The following KIZ variants were observed in gnomAD, a reference collection of about 807,000 sequenced individuals.
The protein encoded by KIZ is kizuna centrosomal protein, also known as centrosomal protein kizuna.
KIZ carries 68 observed loss-of-function variants against 79.6 expected under a neutral mutation model. That is an observed-to-expected ratio of 0.85 (90% confidence interval 0.70 to 1.05). The LOEUF is 1.05. KIZ is among the 50% of genes least tolerant of loss of function. The pLI is 0.00. For synonymous variants in KIZ, 280 were observed against 281.8 expected (o/e 0.99, Z 0.06); for missense variants, 797 against 800.4 (o/e 1.00, Z 0.05).
intron 9 of KIZ, among the ~76,000 whole-genome samples, chr20:21,223,856 A>G (rs2036578565): frequency 6.6e-6 from 1 of 151,258 alleles, no homozygotes; most frequent in African/African-American, 2.4e-5. Flanking sequence ...TTTTGTATTT[A>G]TAGTAGAGAC....
intron 11 of KIZ, among the ~76,000 whole-genome samples, chr20:21,240,412 A>G (rs2037174930): frequency 6.6e-6 from 1 of 152,216 alleles, no homozygotes; most frequent in East Asian, 1.9e-4. Flanking sequence ...CACCACACCC[A>G]GCCGATTGTC....
intron 6 of KIZ, among the ~76,000 whole-genome samples, chr20:21,178,336 C>T (rs1781554549): frequency 6.6e-6 from 1 of 152,012 alleles, no homozygotes; most frequent in South Asian, 2.1e-4. Flanking sequence ...CTTATTGGTG[C>T]TATTGTAAAT....
intron 11 of KIZ, among the ~76,000 whole-genome samples, chr20:21,241,655 A>G (rs182365536): frequency 6.6e-6 from 1 of 152,362 alleles, no homozygotes; most frequent in Admixed American, 6.5e-5. Context: ...AAGTGGCCTC[A>G]TAGAGACATG....
At chr20:21,221,212 C>A (rs1184223505) in intron 9 of KIZ, among the ~76,000 whole-genome samples, 1 of 152,136 alleles carries the variant, frequency 6.6e-6, no homozygotes, top group Non-Finnish European at 1.5e-5. Context: ...TGTATTCACA[C>A]TAAATTTACC....
At chr20:21,127,769 CG>C (rs972178468) in intron 1 of KIZ, among the ~76,000 whole-genome samples, 1 of 152,172 alleles carries the variant, frequency 6.6e-6, no homozygotes, top group Non-Finnish European at 1.5e-5. Flanking sequence ...TTCTAGTCCA[CG>C]AACAATTGTG....
chr20:21,169,761 C>T (rs1331345745), intron 6 of KIZ, among the ~76,000 whole-genome samples: 4 of 152,190 alleles, frequency 2.6e-5, no homozygotes, highest in Non-Finnish European at 5.9e-5. Flanking sequence ...GAACCCCTTG[C>T]AAGTACTGAT....
At chr20:21,177,660 A>C (rs1016495430) in intron 6 of KIZ, among the ~76,000 whole-genome samples, 2 of 152,068 alleles carry the variant, frequency 1.3e-5, no homozygotes, top group Admixed American at 1.3e-4. Context: ...TGCCAAGGCC[A>C]ATGTTATGAA....
At chr20:21,195,444 G>A (rs1157958040) in intron 6 of KIZ, 1 of 152,302 alleles carries the variant, frequency 6.6e-6, no homozygotes, top group African/African-American at 2.4e-5. Context: ...TTACCATGGA[G>A]GGAACCTGCT....
chr20:21,200,243 C>A (rs1306507238), intron 6 of KIZ, among the ~76,000 whole-genome samples: 1 of 152,044 alleles, frequency 6.6e-6, no homozygotes, highest in Non-Finnish European at 1.5e-5. Flanking sequence ...AAATGAGACA[C>A]CTGCCCCCAT....
chr20:21,202,481 C>T (rs2035637611), intron 6 of KIZ: 1 of 152,166 alleles, frequency 6.6e-6, no homozygotes, highest in Non-Finnish European at 1.5e-5. Flanking sequence ...GCTGAAAGGT[C>T]TTTCTATCAA....
chr20:21,239,815 G>A (rs1282728088), intron 11 of KIZ, among the ~76,000 whole-genome samples: 1 of 152,168 alleles, frequency 6.6e-6, no homozygotes, highest in Non-Finnish European at 1.5e-5. Flanking sequence ...AGTCCTGGCT[G>A]GCCCTAACTT....
intron 10 of KIZ, among the ~76,000 whole-genome samples, chr20:21,230,029 C>T (rs1050610797): frequency 1.3e-5 from 2 of 152,126 alleles, no homozygotes; most frequent in Non-Finnish European, 2.9e-5. Flanking sequence ...ACCTCAGTTT[C>T]CTTTGTGAGA....
chr20:21,161,493 G>A (rs1312811171), intron 4 of KIZ, among the ~76,000 whole-genome samples: 6 of 30,084 alleles, frequency 2.0e-4, no homozygotes, highest in Non-Finnish European at 8.3e-4. Context: ...CACCGTGCCC[G>A]GCTAATTTTT....
At chr20:21,218,946 G>A (rs184148121) in intron 9 of KIZ, among the ~76,000 whole-genome samples, 27 of 152,274 alleles carry the variant, frequency 1.8e-4, no homozygotes, top group African/African-American at 4.8e-4. Flanking sequence ...AATTTTAGGC[G>A]CCCAGAAGTG....
chr20:21,191,201 A>G (rs1016927193), intron 6 of KIZ, among the ~76,000 whole-genome samples: 2 of 152,240 alleles, frequency 1.3e-5, no homozygotes, highest in Non-Finnish European at 2.9e-5. Context: ...CATCTCATGC[A>G]TAGTGTTAGC....
intron 10 of KIZ, among the ~76,000 whole-genome samples, chr20:21,231,822 T>C (rs1239627957): frequency 1.3e-5 from 2 of 152,202 alleles, no homozygotes; most frequent in Non-Finnish European, 2.9e-5. Flanking sequence ...AAGCAGTGCA[T>C]GTTTCACTTA....
At chr20:21,246,193 A>G in intron 12 of KIZ, 1 of 377,324 alleles carries the variant, frequency 2.7e-6, no homozygotes, top group Non-Finnish European at 4.7e-6. Flanking sequence ...TGTAACCCTG[A>G]CCTTAAATCC....
intron 9 of KIZ, among the ~76,000 whole-genome samples, chr20:21,219,884 G>A (rs1440403026): frequency 2.0e-5 from 3 of 152,076 alleles, no homozygotes; most frequent in Admixed American, 6.6e-5. Flanking sequence ...AGTTTTCTGT[G>A]TTTAGATTTA....
At chr20:21,158,930 C>T (rs1162036497) in intron 4 of KIZ, among the ~76,000 whole-genome samples, 1 of 151,594 alleles carries the variant, frequency 6.6e-6, no homozygotes, top group African/African-American at 2.4e-5. Flanking sequence ...GTAGCTGGGA[C>T]CACAGGTGTG....
Sources: gnomAD v4.1 joint callset for allele counts (sites outside exome capture counted in the v4.1 genomes callset) on GRCh38, gnomAD v4.1.1 for gene constraint, MANE v1.5 for transcripts, NCBI Gene and HGNC (gene_info 2026-07-23, HGNC 2026-07-21) for gene names.